Variants in APBA2 observed in about 807,000 individuals in gnomAD.
APBA2 encodes amyloid-beta A4 precursor protein-binding family A member 2.
In APBA2, 30 loss-of-function variants were observed where a neutral mutation model predicts 75.0. That is an observed-to-expected ratio of 0.40 (90% CI 0.30 to 0.54). The LOEUF is 0.54. Among genes scored for constraint, APBA2 ranks in the 20% least tolerant of loss-of-function variants. The pLI, the probability that APBA2 is intolerant of heterozygous loss-of-function variation, is 0.49. For missense variants in APBA2, 801 were observed against 1,016.1 expected, an observed-to-expected ratio of 0.79 and a Z score of 2.88; for synonymous variants, 444 against 409.6, an observed-to-expected ratio of 1.08 and a Z score of -1.01.
intron 6 of APBA2, among the ~76,000 whole-genome samples, 197 bp downstream of exon 6, chr15:29,076,288 G>A (rs912098099): frequency 9.2e-5 from 14 of 152,106 alleles, no homozygotes; most frequent in African/African-American, 3.4e-4. Context: ...TGATCTGCCC[G>A]CTTTGATGCA....
At chr15:29,057,442 G>A (rs2041948296) in intron 4 of APBA2, among the ~76,000 whole-genome samples, 1 of 152,194 alleles carries the variant, frequency 6.6e-6, no homozygotes, top group African/African-American at 2.4e-5. Context: ...AATGGCAATA[G>A]TAAAATAGAG....
chr15:28,998,852 A>T (rs1479757156), intron 3 of APBA2, among the ~76,000 whole-genome samples: 3 of 152,204 alleles, frequency 2.0e-5, no homozygotes, highest in African/African-American at 7.2e-5. Context: ...ACGGCCATAG[A>T]ATTAAAGGCC....
chr15:29,005,325 A>C (rs1352945456), intron 3 of APBA2, among the ~76,000 whole-genome samples: 1 of 151,942 alleles, frequency 6.6e-6, no homozygotes, highest in Non-Finnish European at 1.5e-5. Context: ...CAGTGCTGCA[A>C]TCTCAGCTCA....
intron 3 of APBA2, 44 bp from the exon 4 acceptor site, chr15:29,053,801 T>C: frequency 1.6e-6 from 2 of 1,267,230 alleles, no homozygotes; most frequent in South Asian, 1.4e-5. Flanking sequence ...TGGCTGGGCT[T>C]TGTGGGGTTT....
At chr15:28,893,128 C>T (rs2032244143) in intron 1 of APBA2, among the ~76,000 whole-genome samples, 1 of 152,182 alleles carries the variant, frequency 6.6e-6, no homozygotes, top group Non-Finnish European at 1.5e-5. Flanking sequence ...CCAGGCTTTG[C>T]CTCCACGTGT....
At chr15:28,972,162 G>A (rs2037103443) in intron 2 of APBA2, among the ~76,000 whole-genome samples, 1 of 152,176 alleles carries the variant, frequency 6.6e-6, no homozygotes, top group Non-Finnish European at 1.5e-5. Flanking sequence ...ACAGCTGAAA[G>A]CACAGTAGGG....
chr15:29,112,935 A>G (rs776215004), intron 13 of APBA2, among the ~76,000 whole-genome samples: 4 of 152,084 alleles, frequency 2.6e-5, no homozygotes, highest in Middle Eastern at 3.4e-3. Context: ...GGTACCTCAT[A>G]TCAGTGGCAT....
intron 4 of APBA2, among the ~76,000 whole-genome samples, chr15:29,060,333 G>A (rs1414046524): frequency 5.3e-5 from 8 of 152,140 alleles, no homozygotes; most frequent in Non-Finnish European, 8.8e-5. Flanking sequence ...GTTGCAGATG[G>A]CACAGTTAAG....
chr15:29,107,755 G>T (rs1393780862), intron 12 of APBA2, among the ~76,000 whole-genome samples: 1 of 152,166 alleles, frequency 6.6e-6, no homozygotes, highest in Non-Finnish European at 1.5e-5. Context: ...GACCCCGGCG[G>T]CCTGGCGCAC....
At chr15:29,091,143 C>T (rs974178692) in intron 6 of APBA2, among the ~76,000 whole-genome samples, 2 of 152,172 alleles carry the variant, frequency 1.3e-5, no homozygotes, top group Admixed American at 6.5e-5. Context: ...CCCGCAGTCC[C>T]CCACATTGGT....
chr15:28,943,317 A>G (rs931764552), intron 2 of APBA2, among the ~76,000 whole-genome samples: 2 of 152,188 alleles, frequency 1.3e-5, no homozygotes, highest in Non-Finnish European at 2.9e-5. Flanking sequence ...CTCACGTGCC[A>G]TGGATCAGAG....
chr15:29,002,887 G>A (rs754737705), intron 3 of APBA2, among the ~76,000 whole-genome samples: 8 of 152,094 alleles, frequency 5.3e-5, no homozygotes, highest in Non-Finnish European at 1.2e-4. Context: ...TGTCCAGGAG[G>A]GAGTGAGGGT....
chr15:29,028,658 C>T lies in APBA2; in HGVS notation c.-40-25187C>T, dbSNP rs149429988. On this transcript the variant is annotated intron_variant, in intron 3 of 14. Coordinates refer to ENST00000683413, the MANE Select transcript of APBA2 (RefSeq NM_001353788.2). ...AAGCATTCCTATTTCCCCGAAACCT[C>T]GCCAGCATTTGTTGTTTCTTGACTT... is the stretch of plus-strand genomic sequence containing the variant. Among the ~76,000 whole-genome samples, 541 of 152,290 alleles carry T rather than the reference C, an allele frequency of 3.6e-3. 6 individuals carry two copies. Among genetic ancestry groups the T allele is most frequent in the African/African-American group, 0.012 (515 of 41,590 alleles).
At chr15:29,003,250 C>A (rs904845603) in intron 3 of APBA2, among the ~76,000 whole-genome samples, 2 of 152,102 alleles carry the variant, frequency 1.3e-5, no homozygotes, top group South Asian at 2.1e-4. Flanking sequence ...AGAGAGATGA[C>A]CAGGCTAGCG....
chr15:28,902,311 C>T (rs140291288), intron 1 of APBA2, among the ~76,000 whole-genome samples: 262 of 152,240 alleles, frequency 1.7e-3, no homozygotes, highest in African/African-American at 5.6e-3. Flanking sequence ...GTTACCACTA[C>T]GTAATTATGA....
chr15:29,023,220 G>A (rs556552622), intron 3 of APBA2, among the ~76,000 whole-genome samples: 117 of 152,166 alleles, frequency 7.7e-4, no homozygotes, highest in African/African-American at 2.7e-3. Context: ...AGGGTAACCA[G>A]CCCCAGACTG....
chr15:28,979,566 C>T (rs2037514674), intron 2 of APBA2, among the ~76,000 whole-genome samples: 1 of 152,184 alleles, frequency 6.6e-6, no homozygotes. Flanking sequence ...AGAGTTTCTT[C>T]CTGTCAGTTC....
chr15:28,912,306 A>G (rs1198037653), intron 1 of APBA2, among the ~76,000 whole-genome samples: 3 of 152,160 alleles, frequency 2.0e-5, no homozygotes, highest in East Asian at 1.9e-4. Context: ...GGAATATACT[A>G]TGGATTAGGA....
chr15:29,116,612 A>G (rs1294682708), intron 14 of APBA2, among the ~76,000 whole-genome samples: 11 of 147,548 alleles, frequency 7.5e-5, no homozygotes, highest in Non-Finnish European at 1.5e-4. Context: ...TGGGCGACAG[A>G]GCAAGACTCC....
Sources: allele counts gnomAD v4.1 joint callset (sites outside exome capture counted in the v4.1 genomes callset), GRCh38; gene constraint gnomAD v4.1.1; transcripts MANE v1.5; gene names NCBI Gene and HGNC (gene_info 2026-07-23, HGNC 2026-07-21).